TNRC18: variants seen among roughly 807,000 people sequenced by gnomAD.
The protein encoded by TNRC18 is trinucleotide repeat containing 18.
A neutral mutation model predicts 226.7 loss-of-function variants in TNRC18; 69 were observed. The ratio of observed to expected loss-of-function variants is 0.30; its 90% CI spans 0.25 to 0.37. The LOEUF (loss-of-function observed/expected upper bound fraction) is 0.37, where lower values mean the gene tolerates loss of function less well. Among genes scored for constraint, TNRC18 ranks in the 10% least tolerant of loss-of-function variants. TNRC18 has a pLI of 1.00. For missense variants in TNRC18, 4,754 were observed against 4,256.6 expected, an observed-to-expected ratio of 1.12 and a Z score of -3.25; for synonymous variants, 2,449 against 1,927.6, an observed-to-expected ratio of 1.27 and a Z score of -7.09.
At position 5,366,318 on chromosome 7, in the gene TNRC18, C is replaced by CTTTTTTTTTTTT. The variant is rs202053648; in HGVS notation, c.4220-3505_4220-3494dup. Among the ~76,000 whole-genome samples, 209 of 70,484 alleles carry CTTTTTTTTTTTT rather than the reference C, an allele frequency of 3.0e-3. 24 individuals are homozygous for CTTTTTTTTTTTT. The highest frequency in any genetic ancestry group is 3.4e-3 in the Non-Finnish European group (138 of 40,758). 46.2% of individuals were successfully genotyped at this position (70,484 alleles called of 152,430 possible). The stretch of plus-strand genomic sequence containing the variant: ...AATGCTTGTTTTGCTCTTCTTATAT[C>CTTTTTTTTTTTT]TTTTTTTTTTTTTTTTTTTTTTTTT... On this transcript the variant is annotated intron_variant, in intron 11 of 29. Transcript: ENST00000430969.
Position 5,316,026 on chromosome 7 carries a change from A to G in TNRC18, c.6792T>C (p.Phe2264=). The G allele has an allele frequency of 6.2e-7, 1 of 1,606,912 alleles. No individual in the cohort carries two copies. Among genetic ancestry groups the G allele is most frequent in the Middle Eastern group, 1.7e-4 (1 of 6,028 alleles). Reference sequence around the variant, plus strand: ...GGATCCTGCCCGTGTCTCCGTCGTCAAACTCCACGGTGATCAAGTCCCCAT... The same window carrying G: ...GGATCCTGCCCGTGTCTCCGTCGTCGAACTCCACGGTGATCAAGTCCCCAT... The part of the protein sequence containing the change: ...EDDGDLITVE[F]DDGDTGRIPL... The change falls in exon 25 of 30, where the codon TTT becomes TTC. Residue 2264 remains phenylalanine, a synonymous_variant. Transcript: ENST00000430969.
chr7:5,320,627 G>A lies in TNRC18; in HGVS notation c.6561-20C>T, dbSNP rs372197291. ...CGGTATCTGTAGGAGCAAACGAGGCGTGAGGTGGCAGAGGCCGAGACCTCC... is the reference window on the plus strand; with the variant it reads ...CGGTATCTGTAGGAGCAAACGAGGCATGAGGTGGCAGAGGCCGAGACCTCC... On this transcript the variant is annotated intron_variant, in intron 22 of 29. Transcript: ENST00000430969. 26 of 1,608,262 alleles carry A rather than the reference G, an allele frequency of 1.6e-5. No homozygotes were observed. The highest frequency in any genetic ancestry group is 1.2e-4 in the Admixed American group (7 of 59,726).
chr7:5,415,923 A>G (rs1782154289), intron 2 of TNRC18, among the ~76,000 whole-genome samples: 1 of 144,370 alleles, frequency 6.9e-6, no homozygotes, highest in African/African-American at 2.6e-5. Context: ...CCTGGCCAAC[A>G]TGGCGAAACC....
rs751977580 is a variant in TNRC18, at chr7:5,351,893, G to A, written c.5396C>T (p.Pro1799Leu). ...GGCCTCTCGAAGCAGCAGACAAAAC[G>A]GCTGCTTCCTGCTGGTGGCCGGCTT... Reference protein sequence around the residue: ...KPKPATSRKQPFCLLLREAEA... With the variant: ...KPKPATSRKQLFCLLLREAEA... The change falls in exon 17 of 30, where the codon CCG becomes CTG. Residue 1799 changes from proline (P) to leucine (L), a missense_variant. Pro to Leu is a moderately conservative substitution (Grantham distance 98). Coordinates refer to ENST00000430969, the MANE Select transcript of TNRC18 (RefSeq NM_001080495.3). The A allele has an allele frequency of 6.2e-6, 10 of 1,613,514 alleles. No individual in the cohort carries two copies. The highest frequency in any genetic ancestry group is 5.0e-5 in the Admixed American group (3 of 59,932).
Position 5,321,017 on chromosome 7 carries a change from G to A in TNRC18, c.6560+56C>T. ...AGCAGCCAGGCACAGAGGCGGCCGG[G>A]ACACGGGGCGGGTATGGGACACGGG... On this transcript the variant is annotated intron_variant, in intron 22 of 29. Coordinates refer to ENST00000430969, the MANE Select transcript of TNRC18 (RefSeq NM_001080495.3). The A allele has an allele frequency of 3.9e-6, 5 of 1,291,330 alleles. 1 individual carries two copies. In the South Asian group the frequency reaches 6.7e-5, roughly 17 times the overall value. The allele number at this position is 1,291,330 out of a possible 1,614,324, so 80.0% of individuals were successfully genotyped here. A position where few individuals can be genotyped will look rare whatever the true frequency, so the allele number is the denominator to read the frequency against.
At chr7:5,355,258 C>T (rs540345225) in intron 16 of TNRC18, among the ~76,000 whole-genome samples, 3 of 151,092 alleles carry the variant, frequency 2.0e-5, no homozygotes, top group African/African-American at 4.9e-5. Flanking sequence ...ACCATGAGGA[C>T]GCTCCAATCT....
chr7:5,365,458 C>G (rs755433524), intron 11 of TNRC18, among the ~76,000 whole-genome samples: 1 of 151,758 alleles, frequency 6.6e-6, no homozygotes, highest in Non-Finnish European at 1.5e-5. Flanking sequence ...AGCTGGGACA[C>G]GTGTGACAGG....
chr7:5,356,044 G>A (rs1242720569), intron 16 of TNRC18, among the ~76,000 whole-genome samples: 2 of 151,960 alleles, frequency 1.3e-5, no homozygotes, highest in South Asian at 2.1e-4. Flanking sequence ...CAAGCCTGTA[G>A]TCCCAGTTAC....
At position 5,312,460 on chromosome 7, in the gene TNRC18, G is replaced by A. The variant is rs1787328484; in HGVS notation, c.8388+43C>T. The A allele has an allele frequency of 6.9e-6, 11 of 1,593,500 alleles. No individual in the cohort carries two copies. The East Asian group carries it at 2.5e-4, about 36-fold the overall frequency. On this transcript the variant is annotated intron_variant, in intron 27 of 29. Transcript: ENST00000430969. The surrounding 1 kb of genome is among the most constrained non-coding windows in gnomAD (Gnocchi z 6.3). Reference sequence around the variant, plus strand: ...CCGTGGGCCCAGCAGAGAGACACAAGGCCCCCGGCCCCTCGGCCGTGCCCG... The same window carrying A: ...CCGTGGGCCCAGCAGAGAGACACAAAGCCCCCGGCCCCTCGGCCGTGCCCG...
chr7:5,418,355 G>GA (rs1444555301), intron 2 of TNRC18, among the ~76,000 whole-genome samples: 1 of 152,174 alleles, frequency 6.6e-6, no homozygotes, highest in Non-Finnish European at 1.5e-5. Flanking sequence ...CTTCTGCAGA[G>GA]AAAGAGGCCA....
chr7:5,335,134 C>G (rs1423654577), intron 18 of TNRC18, among the ~76,000 whole-genome samples: 2 of 150,838 alleles, frequency 1.3e-5, no homozygotes, highest in East Asian at 3.9e-4. Context: ...AGAAACCTGT[C>G]TCTGCTAAAA....
chr7:5,421,210 G>A lies in TNRC18; in HGVS notation c.37C>T (p.His13Tyr), dbSNP rs1023657507. 139 of 1,339,522 alleles carry A rather than the reference G, an allele frequency of 1.0e-4. No individual in the cohort carries two copies. Among genetic ancestry groups the A allele is most frequent in the Non-Finnish European group, 1.3e-4 (134 of 1,042,718 alleles). The allele number at this position is 1,339,522 out of a possible 1,614,324, so 83.0% of individuals were successfully genotyped here. Residue 13 changes from histidine (H) to tyrosine (Y), a missense_variant, in exon 2 of 30, where the codon CAC (histidine) becomes TAC (tyrosine). Transcript: ENST00000430969. ...GRDFGPQRSV[H>Y]GPPPPLLSGL... ...GACAGCAGCGGCGGCGGGGGACCGTGCACGGACCGCTGGGGCCCGAAGTCT... is the reference window on the plus strand; with the variant it reads ...GACAGCAGCGGCGGCGGGGGACCGTACACGGACCGCTGGGGCCCGAAGTCT...
intron 2 of TNRC18, among the ~76,000 whole-genome samples, chr7:5,398,680 C>G (rs901855068): frequency 5.3e-5 from 8 of 151,594 alleles, no homozygotes; most frequent in Non-Finnish European, 1.5e-5. Context: ...TGCAGTGGCT[C>G]AATCATAGCT....
At chr7:5,379,801 G>C (rs1779272165) in intron 5 of TNRC18, among the ~76,000 whole-genome samples, 1 of 152,226 alleles carries the variant, frequency 6.6e-6, no homozygotes, top group South Asian at 2.1e-4. Context: ...GGTGCCATTC[G>C]CACAGGCGGA....
chr7:5,377,005 A>C lies in TNRC18; in HGVS notation c.2462-12T>G, dbSNP rs1409684699. ...TGGGGGACCCAAGCCTAGGAGGAGA[A>C]GCCCAGGCCTGAGTCAGTGCTGGGA... On this transcript the variant is annotated splice_polypyrimidine_tract_variant and intron_variant, in intron 7 of 29. Coordinates refer to ENST00000430969, the MANE Select transcript of TNRC18 (RefSeq NM_001080495.3). This position sits in a 1 kb window ranked among gnomAD's most constrained non-coding sequence, Gnocchi z 5.8. 4.5e-6 allele frequency: 7 copies of C among 1,568,996 alleles called. No individual in the cohort carries two copies. The highest frequency in any genetic ancestry group is 3.5e-5 in the South Asian group (3 of 85,404).
chr7:5,418,751 C>T (rs755190823), intron 2 of TNRC18, among the ~76,000 whole-genome samples: 1 of 152,244 alleles, frequency 6.6e-6, no homozygotes, highest in Non-Finnish European at 1.5e-5. Flanking sequence ...GTAGCACCTG[C>T]ACCCCACAAA....
At chr7:5,323,360 C>T (rs112677644) in intron 21 of TNRC18, among the ~76,000 whole-genome samples, 8,657 of 148,986 alleles carry the variant, frequency 0.058, 324 homozygotes, top group South Asian at 0.14. Flanking sequence ...TGTCCTCACC[C>T]TTCCCTTCCC....
chr7:5,370,793 C>A lies in TNRC18; in HGVS notation c.3801G>T (p.Ala1267=). The A allele has an allele frequency of 6.2e-7, 1 of 1,606,008 alleles. No homozygotes were observed. Among genetic ancestry groups the A allele is most frequent in the Non-Finnish European group, 8.5e-7 (1 of 1,177,246 alleles). Residue 1267 remains alanine, a synonymous_variant, in exon 11 of 30, where the codon GCG becomes GCT. Coordinates refer to ENST00000430969, the MANE Select transcript of TNRC18 (RefSeq NM_001080495.3). Reference sequence around the variant, plus strand: ...CGGGCACTGCCTCCACCACGGGCACCGCCACAGGCACCTCCACCGGCTCCT... The same window carrying A: ...CGGGCACTGCCTCCACCACGGGCACAGCCACAGGCACCTCCACCGGCTCCT... ...AKEEPVEVPV[A]VPVVEAVPEE...
chr7:5,349,175 C>T (rs879608017), intron 17 of TNRC18, among the ~76,000 whole-genome samples: 5 of 152,226 alleles, frequency 3.3e-5, no homozygotes, highest in Admixed American at 2.6e-4. Context: ...GCCCGCACCT[C>T]GGCATGGGAG....
Sources: allele counts gnomAD v4.1 joint callset (sites outside exome capture counted in the v4.1 genomes callset), GRCh38; gene constraint gnomAD v4.1.1; non-coding constraint Gnocchi (gnomAD v3.1); transcripts MANE v1.5; gene names NCBI Gene and HGNC (gene_info 2026-07-23, HGNC 2026-07-21).